The following BCAS3 variants were observed in gnomAD, a reference collection of about 807,000 sequenced individuals.
BCAS3 encodes the protein BCAS3 microtubule associated cell migration factor.
BCAS3 carries 53 observed loss-of-function variants against 116.1 expected under a neutral mutation model. The observed-to-expected ratio is 0.46, with a 90% CI of 0.37 to 0.57. The LOEUF is 0.57. BCAS3 is among the 20% of genes least tolerant of loss of function. The pLI is 0.00. For synonymous variants in BCAS3, 391 were observed against 408.2 expected (o/e 0.96, Z 0.51); for missense variants, 917 against 1,165.4 (o/e 0.79, Z 3.10).
rs1188537471 is a variant in BCAS3, at chr17:61,346,134, G to A, written c.2426-22193G>A. ...AGGTGCCATAATCCTTGTTGAAGTCGAGGAGTTGACTTAGAAGGCCTGCAG... is the reference window on the plus strand; with the variant it reads ...AGGTGCCATAATCCTTGTTGAAGTCAAGGAGTTGACTTAGAAGGCCTGCAG... On this transcript the variant is annotated intron_variant, in intron 22 of 23. Coordinates refer to ENST00000407086, the MANE Select transcript of BCAS3 (RefSeq NM_017679.5). This position sits in a 1 kb window ranked among gnomAD's most constrained non-coding sequence, Gnocchi z 5.4. Among the ~76,000 whole-genome samples, 1 of 152,152 alleles carries A rather than the reference G, an allele frequency of 6.6e-6. No homozygotes were observed. The highest frequency in any genetic ancestry group is 2.4e-5 in the African/African-American group (1 of 41,426).
intron 10 of BCAS3, among the ~76,000 whole-genome samples, chr17:60,897,493 A>C (rs1191765022): frequency 6.6e-6 from 1 of 152,180 alleles, no homozygotes; most frequent in Non-Finnish European, 1.5e-5. Context: ...ATTCCATTAA[A>C]TGTGCTTTCA....
intron 13 of BCAS3, among the ~76,000 whole-genome samples, chr17:60,935,905 A>G (rs1376776512): frequency 3.3e-5 from 5 of 151,270 alleles, no homozygotes; most frequent in Admixed American, 1.3e-4. Flanking sequence ...TGTGCACAAC[A>G]TGCAGGTTAT....
chr17:61,009,082 A>G (rs879652928), intron 15 of BCAS3, among the ~76,000 whole-genome samples: 8 of 152,072 alleles, frequency 5.3e-5, no homozygotes, highest in South Asian at 2.1e-4. Context: ...GTACTGAGTT[A>G]TAGGAAGGTG....
At chr17:61,010,990 A>G (rs1057041904) in intron 15 of BCAS3, among the ~76,000 whole-genome samples, 6 of 152,034 alleles carry the variant, frequency 3.9e-5, no homozygotes, top group Admixed American at 6.6e-5. Flanking sequence ...GAGAATATTC[A>G]TTCTCATGGC....
chr17:60,983,077 G>A (rs2062910315), intron 14 of BCAS3, among the ~76,000 whole-genome samples: 1 of 152,174 alleles, frequency 6.6e-6, no homozygotes, highest in South Asian at 2.1e-4. Flanking sequence ...GAGAGCAGGG[G>A]TTTGAATAGT....
intron 7 of BCAS3, among the ~76,000 whole-genome samples, chr17:60,868,156 C>T (rs2054789230): frequency 6.6e-6 from 1 of 151,844 alleles, no homozygotes; most frequent in Non-Finnish European, 1.5e-5. Context: ...CCCAGAGAAG[C>T]TGGGACTACA....
At position 61,217,818 on chromosome 17, in the gene BCAS3, A is replaced by G. The variant is rs2081889449; in HGVS notation, c.2425+133254A>G. On this transcript the variant is annotated intron_variant, in intron 22 of 23. Coordinates refer to ENST00000407086, the MANE Select transcript of BCAS3 (RefSeq NM_017679.5). This position sits in a 1 kb window ranked among gnomAD's most constrained non-coding sequence, Gnocchi z 5.2. ...CTTATTAAAAGTAATTTTTTACAGA[A>G]ATTCCTAGCGCCAAGCACAAAATAA... Among the ~76,000 whole-genome samples the G allele has an allele frequency of 6.6e-6, 1 of 152,116 alleles. No individual in the cohort carries two copies. Among genetic ancestry groups the G allele is most frequent in the South Asian group, 2.1e-4 (1 of 4,814 alleles).
At chr17:60,714,043 G>A (rs972064367) in intron 5 of BCAS3, among the ~76,000 whole-genome samples, 1 of 152,036 alleles carries the variant, frequency 6.6e-6, no homozygotes, top group African/African-American at 2.4e-5. Flanking sequence ...CACCATGTTG[G>A]CCAGGCTGGT....
In BCAS3 at chr17:61,213,545, G is replaced by A. The variant is rs1200967031; in HGVS notation, c.2425+128981G>A. On this transcript the variant is annotated intron_variant, in intron 22 of 23. Transcript: ENST00000407086. The surrounding 1 kb of genome is among the most constrained non-coding windows in gnomAD (Gnocchi z 5.4). Reference sequence around the variant, plus strand: ...TTGTTTAGTTGACAGGAAATTTAAAGAAAAAGTATTGCTATAACCATCCTA... The same window carrying A: ...TTGTTTAGTTGACAGGAAATTTAAAAAAAAAGTATTGCTATAACCATCCTA... Among the ~76,000 whole-genome samples, 1 of 152,136 alleles carries A rather than the reference G, an allele frequency of 6.6e-6. No homozygotes were observed. Among genetic ancestry groups the A allele is most frequent in the Non-Finnish European group, 1.5e-5 (1 of 68,018 alleles).
intron 5 of BCAS3, among the ~76,000 whole-genome samples, chr17:60,735,843 G>T (rs753615721): frequency 2.0e-5 from 3 of 148,894 alleles, no homozygotes; most frequent in Admixed American, 6.7e-5. Context: ...TCATAAATAG[G>T]TGTTGGATTT....
chr17:61,014,169 G>A (rs912465630), intron 15 of BCAS3, among the ~76,000 whole-genome samples: 10 of 151,904 alleles, frequency 6.6e-5, no homozygotes, highest in African/African-American at 2.2e-4. Flanking sequence ...AATTTTTATC[G>A]ACAGTCAAGA....
At chr17:60,696,713 A>C (rs377012863) in intron 4 of BCAS3, 2 of 152,190 alleles carry the variant, frequency 1.3e-5, no homozygotes, top group African/African-American at 4.8e-5. Flanking sequence ...AGATGCCTCA[A>C]ACTCTGATTT....
At position 61,097,924 on chromosome 17, in the gene BCAS3, A is replaced by G. The variant is rs754603952; in HGVS notation, c.2425+13360A>G. Among the ~76,000 whole-genome samples, 8 of 152,214 alleles carry G rather than the reference A, an allele frequency of 5.3e-5. No homozygotes were observed. Among genetic ancestry groups the G allele is most frequent in the Admixed American group, 3.3e-4 (5 of 15,276 alleles). On this transcript the variant is annotated intron_variant, in intron 22 of 23. Transcript: ENST00000407086. This position sits in a 1 kb window ranked among gnomAD's most constrained non-coding sequence, Gnocchi z 4.0. ...CTGAAATGAGCCACGTGGGAGTTGA[A>G]GAGAATCAACTATTCAGGTGGTGAA...
intron 8 of BCAS3, among the ~76,000 whole-genome samples, chr17:60,869,487 T>G (rs763413578): frequency 1.3e-5 from 2 of 152,154 alleles, no homozygotes; most frequent in East Asian, 3.8e-4. Flanking sequence ...AGCAAAAGAC[T>G]CACAGGTTAG....
At chr17:60,876,913 T>G (rs919499867) in intron 9 of BCAS3, among the ~76,000 whole-genome samples, 1 of 151,798 alleles carries the variant, frequency 6.6e-6, no homozygotes, top group Non-Finnish European at 1.5e-5. Flanking sequence ...TATTAATGAT[T>G]TTTTTTGTTC....
intron 22 of BCAS3, among the ~76,000 whole-genome samples, chr17:61,190,316 C>T (rs1215307662): frequency 1.3e-5 from 2 of 151,666 alleles, no homozygotes; most frequent in Admixed American, 6.6e-5. Context: ...ACCTGAGGTC[C>T]GGAGTTCAAG....
chr17:61,061,058 A>C (rs1234413514), intron 19 of BCAS3, among the ~76,000 whole-genome samples: 2 of 152,160 alleles, frequency 1.3e-5, no homozygotes, highest in Non-Finnish European at 2.9e-5. Flanking sequence ...CGGTTTTGAG[A>C]ATTTTCTGAT....
intron 13 of BCAS3, among the ~76,000 whole-genome samples, chr17:60,946,970 T>A (rs574348428): frequency 6.6e-6 from 1 of 152,308 alleles, no homozygotes; most frequent in South Asian, 2.1e-4. Flanking sequence ...AACTTCTCTC[T>A]GCTAGTTTTA....
chr17:61,158,400 T>C (rs1233886629), intron 22 of BCAS3, among the ~76,000 whole-genome samples: 1 of 152,198 alleles, frequency 6.6e-6, no homozygotes, highest in African/African-American at 2.4e-5. Context: ...ATCAGCTGCT[T>C]TAATGTAGCT....
Sources: gnomAD v4.1 joint callset for allele counts (sites outside exome capture counted in the v4.1 genomes callset) on GRCh38, gnomAD v4.1.1 for gene constraint, Gnocchi (gnomAD v3.1) non-coding constraint, MANE v1.5 for transcripts, NCBI Gene and HGNC (gene_info 2026-07-23, HGNC 2026-07-21) for gene names.